Variants in PLXNC1 observed in about 807,000 individuals in gnomAD.
PLXNC1 encodes the protein plexin C1.
In PLXNC1, 75 loss-of-function variants were observed where a neutral mutation model predicts 178.2. The ratio of observed to expected loss-of-function variants is 0.42; its 90% CI spans 0.35 to 0.51. The LOEUF is 0.51. Among genes scored for constraint, PLXNC1 ranks in the 20% least tolerant of loss-of-function variants. The probability of loss-of-function intolerance (pLI) is 0.02; values close to 1 mark genes in which losing one functional copy is unlikely to be tolerated. For synonymous variants in PLXNC1, 790 were observed against 779.9 expected (o/e 1.01, Z -0.22); for missense variants, 1,503 against 1,984.4 (o/e 0.76, Z 4.61).
intron 23 of PLXNC1, among the ~76,000 whole-genome samples, chr12:94,290,659 AAGG>A (rs1458426944): frequency 2.0e-5 from 3 of 152,218 alleles, no homozygotes; most frequent in Non-Finnish European, 2.9e-5. Flanking sequence ...GTGTAACCTG[AAGG>A]AGATTAGGTT....
intron 4 of PLXNC1, among the ~76,000 whole-genome samples, chr12:94,203,534 T>G (rs991325148): frequency 2.0e-5 from 3 of 152,226 alleles, no homozygotes; most frequent in African/African-American, 7.2e-5. Context: ...AGAATCTACT[T>G]GCTATTATGC....
chr12:94,163,771 G>A (rs1445967804), intron 1 of PLXNC1, among the ~76,000 whole-genome samples: 3 of 152,118 alleles, frequency 2.0e-5, no homozygotes. Context: ...AGTCCCCAGT[G>A]TAAATTCTTC....
At chr12:94,175,135 G>C (rs1036498816) in intron 2 of PLXNC1, among the ~76,000 whole-genome samples, 2 of 152,170 alleles carry the variant, frequency 1.3e-5, no homozygotes, top group African/African-American at 2.4e-5. Context: ...GCATGCACGT[G>C]TGTGTATATG....
chr12:94,173,700 T>C (rs1445200646), intron 2 of PLXNC1, among the ~76,000 whole-genome samples: 1 of 152,190 alleles, frequency 6.6e-6, no homozygotes, highest in Non-Finnish European at 1.5e-5. Context: ...CTTACAGAGC[T>C]TAGTAGAGTT....
chr12:94,173,827 C>G (rs61927429), intron 2 of PLXNC1, among the ~76,000 whole-genome samples: 15,608 of 152,142 alleles, frequency 0.1, 982 homozygotes, highest in Middle Eastern at 0.15. Context: ...TTAGTTTGTT[C>G]CTATTTGGGG....
chr12:94,261,852 A>G (rs1168306678), intron 20 of PLXNC1, among the ~76,000 whole-genome samples: 1 of 152,176 alleles, frequency 6.6e-6, no homozygotes, highest in East Asian at 1.9e-4. Context: ...ATGCAATCTT[A>G]CAAGTAGATG....
intron 23 of PLXNC1, among the ~76,000 whole-genome samples, chr12:94,285,046 CAGG>C (rs879348776): frequency 2.0e-5 from 3 of 152,040 alleles, no homozygotes; most frequent in Non-Finnish European, 2.9e-5. Context: ...ATCAGATGCT[CAGG>C]AGGAGGACAC....
intron 3 of PLXNC1, among the ~76,000 whole-genome samples, chr12:94,185,064 T>A (rs938782326): frequency 6.6e-6 from 1 of 152,228 alleles, no homozygotes; most frequent in African/African-American, 2.4e-5. Flanking sequence ...TGATCCATTT[T>A]ACAGATGAGG....
intron 26 of PLXNC1, among the ~76,000 whole-genome samples, chr12:94,297,813 C>T (rs1320067027): frequency 3.9e-5 from 6 of 152,158 alleles, no homozygotes; most frequent in African/African-American, 1.2e-4. Flanking sequence ...GGGTCAATGA[C>T]TATAAACCTA....
chr12:94,273,282 A>T (rs1965698361), intron 21 of PLXNC1, among the ~76,000 whole-genome samples: 1 of 152,106 alleles, frequency 6.6e-6, no homozygotes, highest in Admixed American at 6.6e-5. Context: ...AGGTGGCAGG[A>T]GGTGGTTTTG....
intron 1 of PLXNC1, chr12:94,157,960 C>A (rs373170826): frequency 1.3e-5 from 2 of 152,130 alleles, no homozygotes; most frequent in South Asian, 2.1e-4. Context: ...TTTTTTGATT[C>A]TTTTCAACCA....
chr12:94,303,893 T>A lies in PLXNC1; in HGVS notation c.4524T>A (p.Ser1508=). 6.2e-7 allele frequency: 1 copy of A among 1,609,814 alleles called. No homozygotes were observed. Residue 1508 remains serine (S), a synonymous_variant, in exon 29 of 31, where the codon TCT becomes TCA. Coordinates refer to ENST00000258526, the MANE Select transcript of PLXNC1 (RefSeq NM_005761.3). ...SEMEEFLTQE[S]KKHENEFNEE... ...TGGAAGAATTTTTAACTCAGGAATC[T>A]AAGGTATCATTAGAAAGCAGAAATA... is the stretch of plus-strand genomic sequence containing the variant.
At chr12:94,275,820 A>T (rs896852571) in intron 21 of PLXNC1, among the ~76,000 whole-genome samples, 2 of 131,494 alleles carry the variant, frequency 1.5e-5, no homozygotes, top group Non-Finnish European at 3.1e-5. Context: ...CCGCCACTGC[A>T]CTCCAGCCTG....
Position 94,237,697 on chromosome 12 carries a change from G to C in PLXNC1, c.2014G>C (p.Val672Leu). 6.2e-7 allele frequency: 1 copy of C among 1,613,818 alleles called. No individual in the cohort carries two copies. The highest frequency in any genetic ancestry group is 8.5e-7 in the Non-Finnish European group (1 of 1,179,806). ...CATTAAGTCCATTGAGCCACAGAAA[G>C]TATCGACATTAGGGAAAAGCAACGT... is the stretch of plus-strand genomic sequence containing the variant. ...FYIKSIEPQK[V>L]STLGKSNVIV... is the part of the protein sequence containing the mutation. The change falls in exon 10 of 31, where the codon GTA becomes CTA. Residue 672 changes from valine (V) to leucine (L), a missense_variant. Physicochemically the swap from Val to Leu is conservative, Grantham distance 32. This residue lies in a region of PLXNC1 where 615 missense variants were observed against 698.6 expected (regional missense o/e 0.88). Coordinates refer to ENST00000258526, the MANE Select transcript of PLXNC1 (RefSeq NM_005761.3).
chr12:94,197,192 A>G (rs1224425141), intron 4 of PLXNC1, among the ~76,000 whole-genome samples: 3 of 152,068 alleles, frequency 2.0e-5, no homozygotes, highest in Admixed American at 6.6e-5. Context: ...CCACTTACTC[A>G]CATCTGCAGA....
chr12:94,225,515 G>T (rs546379548), intron 7 of PLXNC1, among the ~76,000 whole-genome samples: 1 of 152,104 alleles, frequency 6.6e-6, no homozygotes, highest in Non-Finnish European at 1.5e-5. Flanking sequence ...GCTACAGAAA[G>T]CCTCAGAAGT....
chr12:94,206,927 T>A (rs1178055527), intron 4 of PLXNC1, among the ~76,000 whole-genome samples: 6 of 152,116 alleles, frequency 3.9e-5, no homozygotes. Context: ...CACTTGACCG[T>A]TGCTCTTGTT....
chr12:94,262,643 G>A (rs1188173904), intron 20 of PLXNC1: 12 of 985,294 alleles, frequency 1.2e-5, no homozygotes, highest in Non-Finnish European at 1.4e-5. Flanking sequence ...AATTCCCGCT[G>A]GTGCAGGGGT....
At chr12:94,229,661 C>A (rs1964036902) in intron 9 of PLXNC1, among the ~76,000 whole-genome samples, 1 of 152,106 alleles carries the variant, frequency 6.6e-6, no homozygotes, top group South Asian at 2.1e-4. Context: ...AATGTCCTTT[C>A]CCCCATTGAA....
Sources: gnomAD v4.1 joint callset for allele counts (sites outside exome capture counted in the v4.1 genomes callset) on GRCh38, gnomAD v4.1.1 for gene constraint, gnomAD v4.1.1 regional missense constraint, MANE v1.5 for transcripts, NCBI Gene and HGNC (gene_info 2026-07-23, HGNC 2026-07-21) for gene names.